GLIS3: variants seen among roughly 807,000 people sequenced by gnomAD.
The protein encoded by GLIS3 is zinc finger protein GLIS3.
In GLIS3, 53 loss-of-function variants were observed where a neutral mutation model predicts 78.6. That is an observed-to-expected ratio of 0.67 (90% CI 0.54 to 0.85). GLIS3 has a LOEUF of 0.85. GLIS3 is among the 40% of genes least tolerant of loss of function. The pLI, the probability that GLIS3 is intolerant of heterozygous loss-of-function variation, is 0.00. For synonymous variants in GLIS3, 684 were observed against 509.9 expected (o/e 1.34, Z -4.60); for missense variants, 1,703 against 1,231.1 (o/e 1.38, Z -5.74).
At chr9:4,112,623 G>T (rs1051499792) in intron 4 of GLIS3, among the ~76,000 whole-genome samples, 2 of 152,094 alleles carry the variant, frequency 1.3e-5, no homozygotes, top group Non-Finnish European at 2.9e-5. Context: ...AGCCTCAGAA[G>T]TTCTAAGTAT....
chr9:4,091,300 G>A (rs576223375), intron 4 of GLIS3, among the ~76,000 whole-genome samples: 4 of 152,106 alleles, frequency 2.6e-5, no homozygotes, highest in East Asian at 1.9e-4. Context: ...CTGGGAGTTC[G>A]AGGCTGAAGT....
At chr9:4,126,213 AT>A (rs1404623481) in intron 2 of GLIS3, among the ~76,000 whole-genome samples, 1 of 152,184 alleles carries the variant, frequency 6.6e-6, no homozygotes, top group Non-Finnish European at 1.5e-5. Context: ...TAAAAATCAT[AT>A]TTTATAATAT....
At chr9:4,197,431 T>C (rs1394654453) in intron 2 of GLIS3, among the ~76,000 whole-genome samples, 1 of 152,212 alleles carries the variant, frequency 6.6e-6, no homozygotes, top group African/African-American at 2.4e-5. Context: ...GCATTCACTC[T>C]CCTGGATTAG....
upstream of GLIS3, among the ~76,000 whole-genome samples, chr9:4,301,453 C>A (rs1817070167): frequency 6.6e-6 from 1 of 152,238 alleles, no homozygotes; most frequent in Non-Finnish European, 1.5e-5. Context: ...ATTGCCATGA[C>A]TATTCCATTG....
In GLIS3 at chr9:3,946,827, T is replaced by A. The variant is rs148587113; in HGVS notation, c.1711-9638A>T. Among the ~76,000 whole-genome samples the A allele has an allele frequency of 1.6e-4, 24 of 152,292 alleles. No homozygotes were observed. In the East Asian group the frequency reaches 4.6e-3, roughly 29 times the overall value. ...AAAAGAAACTGTTTTAAATTGCCCT[T>A]TAAAAGCTGAGCTAATATGCTGTCA... On this transcript the variant is annotated intron_variant, in intron 4 of 10. Transcript: ENST00000381971.
intron 2 of GLIS3, among the ~76,000 whole-genome samples, chr9:4,247,080 T>C (rs917353087): frequency 3.0e-4 from 46 of 152,346 alleles, no homozygotes; most frequent in Non-Finnish European, 6.2e-4. Context: ...ATGGCTTTTG[T>C]CAGCCCTCCT....
chr9:4,327,541 A>T (rs971433430), intron 2 of GLIS3, among the ~76,000 whole-genome samples: 1 of 152,120 alleles, frequency 6.6e-6, no homozygotes, highest in African/African-American at 2.4e-5. Flanking sequence ...GTGAGGATGA[A>T]TTGAAATGAA....
In GLIS3 at chr9:4,152,221, T is replaced by G. The variant is rs141177375; in HGVS notation, c.389-26280A>C. 7.4e-3 allele frequency: 4,362 copies of G among 589,128 alleles called. 17 individuals carry two copies. The highest frequency in any genetic ancestry group is 8.0e-3 in the Non-Finnish European group (3,752 of 467,630). 36.5% of individuals were successfully genotyped at this position (589,128 alleles called of 1,614,324 possible). Reference sequence around the variant, plus strand: ...GGAAGGAACCAAAGGAAGAACTTTCTAGAAATCAGAAGTGACTGGGAACCT... The same window carrying G: ...GGAAGGAACCAAAGGAAGAACTTTCGAGAAATCAGAAGTGACTGGGAACCT... On this transcript the variant is annotated intron_variant, in intron 2 of 10. Coordinates refer to ENST00000381971, the MANE Select transcript of GLIS3 (RefSeq NM_001042413.2).
chr9:4,239,179 A>T (rs1587100123), intron 2 of GLIS3, among the ~76,000 whole-genome samples: 2 of 76,866 alleles, frequency 2.6e-5, no homozygotes, highest in Non-Finnish European at 2.3e-5. Context: ...GGGTGGGGGG[A>T]GGGGGGAGGG....
At chr9:3,859,045 A>T (rs905162826) in intron 8 of GLIS3, among the ~76,000 whole-genome samples, 19 of 152,204 alleles carry the variant, frequency 1.2e-4, no homozygotes, top group Non-Finnish European at 7.3e-5. Context: ...AGAGGACAGG[A>T]GAGGCATGGA....
At chr9:3,882,314 G>A (rs1335071899) in intron 7 of GLIS3, among the ~76,000 whole-genome samples, 2 of 152,274 alleles carry the variant, frequency 1.3e-5, no homozygotes, top group Non-Finnish European at 2.9e-5. Flanking sequence ...TGACGGTTGC[G>A]CCATTGGTCA....
chr9:4,021,646 T>C (rs1419003775), intron 4 of GLIS3, among the ~76,000 whole-genome samples: 2 of 152,220 alleles, frequency 1.3e-5, no homozygotes, highest in African/African-American at 4.8e-5. Flanking sequence ...TAATATAACA[T>C]TGCACTTAAC....
chr9:4,480,856 C>G, the GLIS3 span, among the ~76,000 whole-genome samples: 12 of 150,516 alleles, frequency 8.0e-5, 1 homozygote, highest in South Asian at 2.3e-3. Context: ...AAAAACCCAC[C>G]TACTGGTTTT....
rs886898927 is a variant in GLIS3, at chr9:4,295,729, G to C, written c.-99+3692C>G. Among the ~76,000 whole-genome samples the C allele has an allele frequency of 8.5e-5, 13 of 152,174 alleles. No homozygotes were observed. The East Asian group carries it at 1.2e-3, about 14-fold the overall frequency. ...GGGTGTGTTCCACTTGCAAAAAAAT[G>C]CATCGAGCTCAAGATAAGTGTGCTT... On this transcript the variant is annotated intron_variant, in intron 1 of 10. Transcript: ENST00000381971.
intron 4 of GLIS3, among the ~76,000 whole-genome samples, chr9:3,988,271 T>C (rs980417580): frequency 6.6e-6 from 1 of 152,054 alleles, no homozygotes; most frequent in Non-Finnish European, 1.5e-5. Flanking sequence ...CTTTAATGAC[T>C]GACTAAAGAA....
At chr9:4,022,196 A>G (rs1822944395) in intron 4 of GLIS3, among the ~76,000 whole-genome samples, 1 of 152,202 alleles carries the variant, frequency 6.6e-6, no homozygotes, top group Non-Finnish European at 1.5e-5. Context: ...CCTATTTCAC[A>G]GGTAAGCAAA....
At chr9:3,996,004 C>T (rs771434486) in intron 4 of GLIS3, among the ~76,000 whole-genome samples, 5 of 148,658 alleles carry the variant, frequency 3.4e-5, no homozygotes, top group Non-Finnish European at 6.0e-5. Context: ...TTCACTGTAG[C>T]AAAAAAAAAG....
At chr9:3,906,764 C>A (rs1228448572) in intron 6 of GLIS3, among the ~76,000 whole-genome samples, 1 of 152,154 alleles carries the variant, frequency 6.6e-6, no homozygotes, top group South Asian at 2.1e-4. Context: ...GTACAAATAT[C>A]TTCATGTACT....
intron 9 of GLIS3, among the ~76,000 whole-genome samples, chr9:3,841,845 C>CAT (rs1466118559): frequency 2.6e-5 from 4 of 152,178 alleles, no homozygotes; most frequent in Non-Finnish European, 4.4e-5. Context: ...CCTGCTGTCT[C>CAT]ATTATAAGCC....
Sources: gnomAD v4.1 joint callset for allele counts (sites outside exome capture counted in the v4.1 genomes callset) on GRCh38, gnomAD v4.1.1 for gene constraint, MANE v1.5 for transcripts, NCBI Gene and HGNC (gene_info 2026-07-23, HGNC 2026-07-21) for gene names.